CNTN5: variants seen among roughly 807,000 people sequenced by gnomAD.
CNTN5 encodes contactin 5, also known as contactin-5.
A neutral mutation model predicts 129.1 loss-of-function variants in CNTN5; 77 were observed. The observed-to-expected ratio is 0.60, with a 90% CI of 0.50 to 0.72. CNTN5 has a LOEUF of 0.72. CNTN5 is among the 30% of genes least tolerant of loss of function. The pLI is 0.00. For missense variants in CNTN5, 1,478 were observed against 1,328.8 expected, an observed-to-expected ratio of 1.11 and a Z score of -1.75; for synonymous variants, 509 against 465.6, an observed-to-expected ratio of 1.09 and a Z score of -1.20.
chr11:100,186,856 T>C lies in CNTN5; in HGVS notation c.1581-4270T>C, dbSNP rs544863705. Among the ~76,000 whole-genome samples, 32 of 152,264 alleles carry C rather than the reference T, an allele frequency of 2.1e-4. No individual in the cohort carries two copies. The South Asian group carries it at 4.6e-3, about 22-fold the overall frequency. ...AGGAAGTATTAATTCAATATTAAAT[T>C]ATCTAAGTAATTACGTGTGCAATAA... On this transcript the variant is annotated intron_variant, in intron 13 of 24. Coordinates refer to ENST00000524871, the MANE Select transcript of CNTN5 (RefSeq NM_014361.4).
At chr11:99,289,158 C>A (rs1236280064) in intron 1 of CNTN5, among the ~76,000 whole-genome samples, 2 of 151,744 alleles carry the variant, frequency 1.3e-5, no homozygotes, top group Non-Finnish European at 3.0e-5. Flanking sequence ...AAGAAAGCAC[C>A]TAACATATTG....
At chr11:99,173,855 C>A (rs1591311874) in intron 1 of CNTN5, among the ~76,000 whole-genome samples, 1 of 152,120 alleles carries the variant, frequency 6.6e-6, no homozygotes, top group Non-Finnish European at 1.5e-5. Flanking sequence ...TTATGGCAGC[C>A]CAGACAAGAG....
In CNTN5 at chr11:99,480,561, A is replaced by G. The variant is rs577012179; in HGVS notation, c.-70-75584A>G. ...CATATAAACATTTGCTATTAATTTT[A>G]CCTGATTCTTGAATGTTTGCATATT... On this transcript the variant is annotated intron_variant, in intron 2 of 24. Transcript: ENST00000524871. 2.0e-5 allele frequency among the ~76,000 whole-genome samples: 3 copies of G among 152,310 alleles called. No homozygotes were observed. The East Asian group carries it at 5.8e-4, about 29-fold the overall frequency.
intron 6 of CNTN5, among the ~76,000 whole-genome samples, chr11:99,897,921 A>G (rs1216779160): frequency 6.6e-6 from 1 of 152,186 alleles, no homozygotes; most frequent in African/African-American, 2.4e-5. Flanking sequence ...AATGACATCC[A>G]TAGGCTCAAA....
intron 3 of CNTN5, among the ~76,000 whole-genome samples, chr11:99,796,378 T>C (rs924535422): frequency 6.6e-6 from 1 of 151,902 alleles, no homozygotes; most frequent in South Asian, 2.1e-4. Flanking sequence ...CCTGTATGCA[T>C]GTGTGCTGGC....
chr11:99,720,425 T>C (rs1020306971), intron 3 of CNTN5, among the ~76,000 whole-genome samples: 2 of 149,318 alleles, frequency 1.3e-5, no homozygotes, highest in African/African-American at 5.1e-5. Flanking sequence ...ATTATTTCAA[T>C]AGATGTAGAA....
At chr11:100,048,024 G>C (rs1013036754) in intron 9 of CNTN5, among the ~76,000 whole-genome samples, 1 of 152,100 alleles carries the variant, frequency 6.6e-6, no homozygotes, top group African/African-American at 2.4e-5. Context: ...CCAGCTACTG[G>C]GGGTGCTGAG....
intron 21 of CNTN5, among the ~76,000 whole-genome samples, chr11:100,321,698 C>G (rs1024836139): frequency 6.6e-6 from 1 of 151,900 alleles, no homozygotes; most frequent in African/African-American, 2.4e-5. Context: ...TTATTTACGG[C>G]CTTTATTGTG....
intron 1 of CNTN5, among the ~76,000 whole-genome samples, chr11:99,109,311 A>C (rs1480110148): frequency 3.3e-5 from 5 of 152,102 alleles, no homozygotes; most frequent in Non-Finnish European, 5.9e-5. Flanking sequence ...ATTCTAAACA[A>C]AAATTGTTGA....
chr11:99,740,646 C>G (rs569650443), intron 3 of CNTN5, among the ~76,000 whole-genome samples: 11 of 152,254 alleles, frequency 7.2e-5, no homozygotes, highest in African/African-American at 2.6e-4. Context: ...ATTGCAGGCC[C>G]TAGCCACACC....
At chr11:99,673,850 C>T (rs1323428291) in intron 3 of CNTN5, among the ~76,000 whole-genome samples, 1 of 152,032 alleles carries the variant, frequency 6.6e-6, no homozygotes, top group Non-Finnish European at 1.5e-5. Context: ...GTCAGTCTAT[C>T]ATTGATGAGC....
intron 13 of CNTN5, among the ~76,000 whole-genome samples, chr11:100,152,443 G>A (rs1210980881): frequency 6.6e-6 from 1 of 152,028 alleles, no homozygotes; most frequent in Non-Finnish European, 1.5e-5. Context: ...AAAAACCCCC[G>A]CTGAATAAAA....
At chr11:99,815,191 T>C (rs906958458) in intron 3 of CNTN5, among the ~76,000 whole-genome samples, 1 of 152,138 alleles carries the variant, frequency 6.6e-6, no homozygotes, top group Admixed American at 6.5e-5. Flanking sequence ...AAAAACACAC[T>C]TAAATGTAGC....
At chr11:99,775,107 C>A (rs567717246) in intron 3 of CNTN5, among the ~76,000 whole-genome samples, 1 of 152,024 alleles carries the variant, frequency 6.6e-6, no homozygotes, top group South Asian at 2.1e-4. Flanking sequence ...CCAAACTGAT[C>A]ATCATTGTGG....
chr11:100,158,546 C>G (rs1947334084), intron 13 of CNTN5, among the ~76,000 whole-genome samples: 1 of 151,688 alleles, frequency 6.6e-6, no homozygotes, highest in African/African-American at 2.4e-5. Flanking sequence ...TGGCAAATAT[C>G]CTGACCAAGC....
At chr11:99,598,375 C>CCT (rs1314553033) in intron 3 of CNTN5, among the ~76,000 whole-genome samples, 2 of 9,672 alleles carry the variant, frequency 2.1e-4, no homozygotes, top group Non-Finnish European at 4.1e-4. Flanking sequence ...TCTCTCTCTC[C>CCT]CTCTCTCTCT....
At chr11:99,645,776 C>G (rs61910885) in intron 3 of CNTN5, among the ~76,000 whole-genome samples, 90,622 of 150,908 alleles carry the variant, frequency 0.6, 28,026 homozygotes, top group Admixed American at 0.69. Context: ...GGGAGGGGAA[C>G]ATTGCACACT....
At chr11:99,585,826 G>A (rs1034835620) in intron 3 of CNTN5, among the ~76,000 whole-genome samples, 1 of 152,070 alleles carries the variant, frequency 6.6e-6, no homozygotes, top group Non-Finnish European at 1.5e-5. Context: ...AATTCATAAA[G>A]AATTTGGACG....
chr11:99,457,401 C>G (rs1944535738), intron 2 of CNTN5, among the ~76,000 whole-genome samples: 1 of 151,666 alleles, frequency 6.6e-6, no homozygotes, highest in African/African-American at 2.4e-5. Context: ...AAGGAGGAAG[C>G]TGTTGTTTTA....
Sources: allele counts gnomAD v4.1 joint callset (sites outside exome capture counted in the v4.1 genomes callset), GRCh38; gene constraint gnomAD v4.1.1; transcripts MANE v1.5; gene names NCBI Gene and HGNC (gene_info 2026-07-23, HGNC 2026-07-21).